Variants in TRPC4AP observed in about 807,000 individuals in gnomAD.
The protein encoded by TRPC4AP is short transient receptor potential channel 4-associated protein.
In TRPC4AP, 45 loss-of-function variants were observed where a neutral mutation model predicts 99.0. That is an observed-to-expected ratio of 0.45 (90% CI 0.36 to 0.58). TRPC4AP has a LOEUF of 0.58. Ranked by LOEUF, TRPC4AP falls within the 20% of genes least tolerant of loss-of-function variation. The probability of loss-of-function intolerance (pLI) is 0.00; values close to 1 mark genes in which losing one functional copy is unlikely to be tolerated. For missense variants in TRPC4AP, 879 were observed against 985.3 expected (o/e 0.89, Z 1.44); for synonymous variants, 408 against 385.8 (o/e 1.06, Z -0.67).
chr20:35,040,301 G>C (rs2083418073), intron 7 of TRPC4AP, among the ~76,000 whole-genome samples: 1 of 152,156 alleles, frequency 6.6e-6, no homozygotes, highest in Admixed American at 6.5e-5. Context: ...GTGAACTAAG[G>C]GAAAATCTGC....
At chr20:35,070,601 G>A (rs931326156) in intron 2 of TRPC4AP, among the ~76,000 whole-genome samples, 1 of 152,044 alleles carries the variant, frequency 6.6e-6, no homozygotes, top group Admixed American at 6.6e-5. Flanking sequence ...CAGTAGAGAC[G>A]GGGTTTCACC....
intron 6 of TRPC4AP, among the ~76,000 whole-genome samples, chr20:35,049,194 G>A (rs1005145616): frequency 6.6e-6 from 1 of 151,390 alleles, no homozygotes; most frequent in Non-Finnish European, 1.5e-5. Context: ...ATCTATGAAT[G>A]TATTTTTGGG....
chr20:35,043,878 T>C (rs1329581895), intron 7 of TRPC4AP, among the ~76,000 whole-genome samples: 4 of 152,204 alleles, frequency 2.6e-5, no homozygotes, highest in Non-Finnish European at 5.9e-5. Context: ...GATTAGTGTC[T>C]ATACATCATT....
At chr20:35,080,804 GTTTT>G in intron 1 of TRPC4AP, among the ~76,000 whole-genome samples, 1 of 49,592 alleles carries the variant, frequency 2.0e-5, no homozygotes, top group African/African-American at 5.1e-5. Flanking sequence ...GTACACTTCA[GTTTT>G]TTTTTTTTTT....
At chr20:35,016,828 C>T (rs2082765623) in intron 9 of TRPC4AP, among the ~76,000 whole-genome samples, 1 of 152,150 alleles carries the variant, frequency 6.6e-6, no homozygotes, top group South Asian at 2.1e-4. Flanking sequence ...AAAGAAATTC[C>T]TCTATAAGGA....
At chr20:35,012,622 C>T (rs1223585736) in intron 11 of TRPC4AP, among the ~76,000 whole-genome samples, 1 of 152,214 alleles carries the variant, frequency 6.6e-6, no homozygotes, top group African/African-American at 2.4e-5. Flanking sequence ...AAGAATCCTC[C>T]AGCTGCTCAG....
At chr20:35,078,996 G>A (rs923120027) in intron 1 of TRPC4AP, among the ~76,000 whole-genome samples, 7 of 152,182 alleles carry the variant, frequency 4.6e-5, no homozygotes, top group African/African-American at 1.7e-4. Context: ...AACTCGGGAG[G>A]CAGAGGTTGC....
At chr20:35,081,355 G>GAA (rs1223137324) in intron 1 of TRPC4AP, among the ~76,000 whole-genome samples, 1 of 138,580 alleles carries the variant, frequency 7.2e-6, no homozygotes, top group African/African-American at 2.6e-5. Context: ...TCTACCAAAG[G>GAA]AAAAAAAAAA....
At chr20:35,041,872 G>A (rs1224099929) in intron 7 of TRPC4AP, among the ~76,000 whole-genome samples, 1 of 152,180 alleles carries the variant, frequency 6.6e-6, no homozygotes, top group Non-Finnish European at 1.5e-5. Context: ...GGCACTTGAA[G>A]GATTAAATAA....
At chr20:35,021,530 C>T (rs541403883) in intron 8 of TRPC4AP, among the ~76,000 whole-genome samples, 174 bp from the exon 9 acceptor site, 8 of 152,314 alleles carry the variant, frequency 5.3e-5, no homozygotes, top group Admixed American at 3.9e-4. Context: ...GCCAGGTGAG[C>T]GCAGAGACTC....
intron 10 of TRPC4AP, among the ~76,000 whole-genome samples, chr20:35,015,311 T>C (rs529699889): frequency 5.3e-5 from 8 of 152,028 alleles, no homozygotes; most frequent in Non-Finnish European, 8.8e-5. Flanking sequence ...CACGGTTCTA[T>C]AGGTGGATGA....
At chr20:35,080,156 C>A (rs1182529232) in intron 1 of TRPC4AP, among the ~76,000 whole-genome samples, 1 of 151,786 alleles carries the variant, frequency 6.6e-6, no homozygotes, top group African/African-American at 2.4e-5. Flanking sequence ...ACTGATACTA[C>A]AACAAGGATA....
chr20:35,087,271 G>A (rs569740642), intron 1 of TRPC4AP, among the ~76,000 whole-genome samples: 28 of 150,866 alleles, frequency 1.9e-4, no homozygotes, highest in Middle Eastern at 6.9e-3. Flanking sequence ...CCTGGGAGGC[G>A]GAGCTTGCAG....
rs115043806 is a variant in TRPC4AP, at chr20:35,012,138, T to C, written c.1409+870A>G. On this transcript the variant is annotated intron_variant, in intron 11 of 18. Coordinates refer to ENST00000252015, the MANE Select transcript of TRPC4AP (RefSeq NM_015638.3). ...TATGTGGTGCCATTTTTCAGAAGGT[T>C]AACATGCTTCCTGGAGCCCTTCTAT... Among the ~76,000 whole-genome samples the C allele has an allele frequency of 2.6e-3, 394 of 152,368 alleles. 1 individual carries two copies. Among genetic ancestry groups the C allele is most frequent in the African/African-American group, 9.1e-3 (377 of 41,592 alleles).
chr20:35,049,044 G>A (rs550295882), intron 6 of TRPC4AP, among the ~76,000 whole-genome samples: 11 of 152,260 alleles, frequency 7.2e-5, no homozygotes, highest in African/African-American at 2.4e-4. Context: ...ACCTCTAGGA[G>A]GCTGCTCAAC....
At chr20:35,073,395 TATG>T (rs1023864274) in intron 2 of TRPC4AP, among the ~76,000 whole-genome samples, 96 of 152,322 alleles carry the variant, frequency 6.3e-4, no homozygotes, top group African/African-American at 2.2e-3. Flanking sequence ...GCCCATTCAG[TATG>T]ATATTGGCTG....
intron 1 of TRPC4AP, among the ~76,000 whole-genome samples, chr20:35,086,547 G>GGGTA: frequency 9.3e-6 from 1 of 106,986 alleles, no homozygotes; most frequent in Non-Finnish European, 2.1e-5. Context: ...GTGTGTGTGT[G>GGGTA]TGTGTGTGTG....
At chr20:35,038,736 T>C (rs899146962) in intron 7 of TRPC4AP, among the ~76,000 whole-genome samples, 4 of 151,354 alleles carry the variant, frequency 2.6e-5, no homozygotes, top group Non-Finnish European at 5.9e-5. Context: ...GTACTTTTTG[T>C]ATCATTTAAA....
At chr20:35,072,958 T>C (rs6120821) in intron 2 of TRPC4AP, among the ~76,000 whole-genome samples, 28,211 of 152,168 alleles carry the variant, frequency 0.19, 2,698 homozygotes, top group Middle Eastern at 0.34. Context: ...TTTTATTTCA[T>C]TGAGCAGTGG....
Sources: allele counts gnomAD v4.1 joint callset (sites outside exome capture counted in the v4.1 genomes callset), GRCh38; gene constraint gnomAD v4.1.1; transcripts MANE v1.5; gene names NCBI Gene and HGNC (gene_info 2026-07-23, HGNC 2026-07-21).